The following PDE4B variants were observed in gnomAD, a reference collection of about 807,000 sequenced individuals.
The protein encoded by PDE4B is phosphodiesterase 4B.
A neutral mutation model predicts 82.2 loss-of-function variants in PDE4B; 20 were observed. The ratio of observed to expected loss-of-function variants is 0.24; its 90% CI spans 0.17 to 0.35. The LOEUF is 0.35. PDE4B is among the 10% of genes least tolerant of loss of function. The pLI is 1.00. For missense variants in PDE4B, 655 were observed against 907.2 expected (o/e 0.72, Z 3.57); for synonymous variants, 320 against 318.9 (o/e 1.00, Z -0.04).
chr1:65,977,520 A>G (rs1650471891), intron 3 of PDE4B, among the ~76,000 whole-genome samples: 1 of 152,198 alleles, frequency 6.6e-6, no homozygotes, highest in African/African-American at 2.4e-5. Context: ...AAATATTTCA[A>G]ATATTTAGCA....
chr1:66,134,528 C>T (rs1646016704), intron 3 of PDE4B, among the ~76,000 whole-genome samples: 1 of 152,148 alleles, frequency 6.6e-6, no homozygotes, highest in Non-Finnish European at 1.5e-5. Context: ...CAAAGGGTAC[C>T]ATTGTGGCTT....
At chr1:65,959,844 T>C (rs1211732620) in intron 3 of PDE4B, among the ~76,000 whole-genome samples, 1 of 152,154 alleles carries the variant, frequency 6.6e-6, no homozygotes, top group Non-Finnish European at 1.5e-5. Flanking sequence ...TGAGTTCCTT[T>C]ATCCCTTACC....
intron 4 of PDE4B, among the ~76,000 whole-genome samples, chr1:66,252,891 A>G (rs1653899361): frequency 6.6e-6 from 1 of 152,342 alleles, no homozygotes; most frequent in Admixed American, 6.5e-5. Flanking sequence ...ATAAGCTAAG[A>G]TTGTGCCACT....
intron 12 of PDE4B, among the ~76,000 whole-genome samples, chr1:66,364,927 C>T (rs1663119685): frequency 6.6e-6 from 1 of 152,026 alleles, no homozygotes; most frequent in Non-Finnish European, 1.5e-5. Flanking sequence ...ATTTGAAGGA[C>T]CAGAAGATTT....
Position 66,363,284 on chromosome 1 carries a change from A to C in PDE4B, c.1119+18A>C, listed in dbSNP as rs1662955658. The C allele has an allele frequency of 6.4e-7, 1 of 1,566,480 alleles. No individual in the cohort carries two copies. Among genetic ancestry groups the C allele is most frequent in the African/African-American group, 1.4e-5 (1 of 73,288 alleles). On this transcript the variant is annotated intron_variant, in intron 11 of 16. Coordinates refer to ENST00000341517, the MANE Select transcript of PDE4B (RefSeq NM_002600.4). ...TATTCCAGGTGAGTGAACAGGAGTGAATACTGGCTTTCCAATTGGATGGCT... is the reference window on the plus strand; with the variant it reads ...TATTCCAGGTGAGTGAACAGGAGTGCATACTGGCTTTCCAATTGGATGGCT...
chr1:65,969,676 G>A (rs985111810), intron 3 of PDE4B, among the ~76,000 whole-genome samples: 1 of 152,058 alleles, frequency 6.6e-6, no homozygotes, highest in African/African-American at 2.4e-5. Flanking sequence ...TATTTGTAAT[G>A]ATATGTATTT....
rs1011318321 is a variant in PDE4B at position 66,257,693 on chromosome 1, A to G, written c.513+10A>G. ...AACTCCTTTTGCCCAGGTATGTATT[A>G]TGCTGGCCCTGGCTTGCTTTCACTG... On this transcript the variant is annotated intron_variant, in intron 5 of 16. Coordinates refer to ENST00000341517, the MANE Select transcript of PDE4B (RefSeq NM_002600.4). 1 of 1,613,034 alleles carries G rather than the reference A, an allele frequency of 6.2e-7. No homozygotes were observed.
chr1:66,225,128 T>C (rs1372049203), intron 3 of PDE4B, among the ~76,000 whole-genome samples: 1 of 152,160 alleles, frequency 6.6e-6, no homozygotes, highest in Non-Finnish European at 1.5e-5. Context: ...TCTCTCTCTC[T>C]CTCAAACATA....
At chr1:66,093,396 A>G (rs1645061301) in intron 3 of PDE4B, among the ~76,000 whole-genome samples, 1 of 152,112 alleles carries the variant, frequency 6.6e-6, no homozygotes. Flanking sequence ...TAGAAAGTGT[A>G]AAAAGCATAC....
intron 3 of PDE4B, among the ~76,000 whole-genome samples, chr1:66,034,517 A>T (rs1382278401): frequency 6.6e-6 from 1 of 152,192 alleles, no homozygotes; most frequent in African/African-American, 2.4e-5. Context: ...ACAGTGTTTC[A>T]TGAACTGGCT....
chr1:66,246,120 A>G (rs1445430538), intron 3 of PDE4B, among the ~76,000 whole-genome samples: 3 of 152,242 alleles, frequency 2.0e-5, no homozygotes, highest in Admixed American at 6.5e-5. Context: ...GTTGCAAGAC[A>G]TGAGTCTTCC....
At chr1:66,160,988 G>A (rs181503859) in intron 3 of PDE4B, among the ~76,000 whole-genome samples, 164 of 152,252 alleles carry the variant, frequency 1.1e-3, no homozygotes, top group African/African-American at 3.8e-3. Flanking sequence ...TAAAAGACAT[G>A]TGTGCATTGT....
At chr1:65,974,794 A>G (rs746697082) in intron 3 of PDE4B, among the ~76,000 whole-genome samples, 4 of 152,154 alleles carry the variant, frequency 2.6e-5, no homozygotes, top group African/African-American at 7.2e-5. Context: ...TTCACCTTCC[A>G]TCATGACTGT....
chr1:66,193,905 G>C (rs1291506460), intron 3 of PDE4B, among the ~76,000 whole-genome samples: 2 of 151,184 alleles, frequency 1.3e-5, no homozygotes, highest in African/African-American at 2.4e-5. Flanking sequence ...TCACCCTTCT[G>C]TCTGAGGCCA....
chr1:66,208,574 TG>T (rs1366543536), intron 3 of PDE4B, among the ~76,000 whole-genome samples: 4 of 152,224 alleles, frequency 2.6e-5, no homozygotes, highest in African/African-American at 9.6e-5. Flanking sequence ...GTTATAGGTA[TG>T]AGGAGTCTAA....
intron 1 of PDE4B, among the ~76,000 whole-genome samples, chr1:65,854,639 T>G (rs1380659319): frequency 1.3e-5 from 2 of 152,128 alleles, no homozygotes; most frequent in Non-Finnish European, 2.9e-5. Flanking sequence ...AGTATTTATA[T>G]TTATCATTAC....
At chr1:66,355,772 GA>G (rs1041649244) in intron 9 of PDE4B, 152 bp downstream of exon 9, 50 of 437,100 alleles carry the variant, frequency 1.1e-4, no homozygotes, top group South Asian at 3.2e-4. Flanking sequence ...GTCTTCAAAA[GA>G]AAAAAAAATA....
intron 3 of PDE4B, among the ~76,000 whole-genome samples, chr1:66,242,267 A>G (rs1652948831): frequency 6.6e-6 from 1 of 152,192 alleles, no homozygotes; most frequent in South Asian, 2.1e-4. Context: ...CTTCTTTGAA[A>G]TGAGGCAAAA....
At chr1:65,992,767 G>A (rs1024001977) in intron 3 of PDE4B, 40 of 1,409,626 alleles carry the variant, frequency 2.8e-5, no homozygotes, top group East Asian at 5.3e-5. Context: ...GCTCTAAGAC[G>A]CTCATACATT....
Sources: gnomAD v4.1 joint callset for allele counts (sites outside exome capture counted in the v4.1 genomes callset) on GRCh38, gnomAD v4.1.1 for gene constraint, MANE v1.5 for transcripts, NCBI Gene and HGNC (gene_info 2026-07-23, HGNC 2026-07-21) for gene names.